The following KAZN variants were observed in gnomAD, a reference collection of about 807,000 sequenced individuals.
The protein encoded by KAZN is kazrin, periplakin interacting protein, also known as kazrin.
KAZN carries 40 observed loss-of-function variants against 87.4 expected under a neutral mutation model. The observed-to-expected ratio is 0.46, with a 90% CI of 0.36 to 0.60. The LOEUF is 0.60. KAZN is among the 20% of genes least tolerant of loss of function. KAZN has a pLI of 0.00. For missense variants in KAZN, 898 were observed against 1,073.9 expected (o/e 0.84, Z 2.29); for synonymous variants, 466 against 458.3 (o/e 1.02, Z -0.22).
chr1:14,827,465 T>C (rs1646926763), intron 1 of KAZN, among the ~76,000 whole-genome samples: 1 of 152,142 alleles, frequency 6.6e-6, no homozygotes, highest in South Asian at 2.1e-4. Flanking sequence ...GGCCTTTGCG[T>C]CCTCGTAGCT....
intron 1 of KAZN, among the ~76,000 whole-genome samples, chr1:14,642,079 C>A (rs1224274181): frequency 6.6e-6 from 1 of 152,178 alleles, no homozygotes; most frequent in African/African-American, 2.4e-5. Flanking sequence ...TGCCCAACAT[C>A]ATTAGCTATG....
intron 1 of KAZN, among the ~76,000 whole-genome samples, chr1:14,737,833 C>T (rs1643956328): frequency 6.6e-6 from 1 of 152,188 alleles, no homozygotes; most frequent in Non-Finnish European, 1.5e-5. Flanking sequence ...ACACATGGGC[C>T]TCTCCATCAG....
At chr1:14,967,179 G>A (rs574040703) in intron 2 of KAZN, among the ~76,000 whole-genome samples, 222 of 152,238 alleles carry the variant, frequency 1.5e-3, no homozygotes, top group Non-Finnish European at 2.3e-3. Context: ...GTTTTAGGAT[G>A]TCCCCATTTT....
At chr1:14,524,180 C>A (rs1048572259) in intron 2 of KAZN, among the ~76,000 whole-genome samples, 5 of 152,104 alleles carry the variant, frequency 3.3e-5, no homozygotes, top group African/African-American at 1.2e-4. Flanking sequence ...CACCACCACG[C>A]CTGGGTAATT....
At chr1:14,715,295 C>G (rs956851091) in intron 1 of KAZN, among the ~76,000 whole-genome samples, 1 of 152,194 alleles carries the variant, frequency 6.6e-6, no homozygotes, top group Non-Finnish European at 1.5e-5. Flanking sequence ...TGCTCTTGAA[C>G]TTCACCATAT....
chr1:14,147,105 A>C (rs1645369939), intron 1 of KAZN, among the ~76,000 whole-genome samples: 1 of 152,170 alleles, frequency 6.6e-6, no homozygotes, highest in African/African-American at 2.4e-5. Context: ...TCTTCAGCTT[A>C]CTTTATTGTA....
chr1:13,895,089 C>T (rs1005829627), intron 1 of KAZN, among the ~76,000 whole-genome samples: 1 of 152,214 alleles, frequency 6.6e-6, no homozygotes, highest in Non-Finnish European at 1.5e-5. Flanking sequence ...TATGTGAAAA[C>T]ATCCTTCTAT....
rs184797760 is a variant in KAZN at position 15,025,698 on chromosome 1, A to G, written c.419-9051A>G. On this transcript the variant is annotated intron_variant, in intron 2 of 14. Coordinates refer to ENST00000376030, the MANE Select transcript of KAZN (RefSeq NM_201628.3). ...CAGGGTGCACTTGGAGAGAGAGTCTATGGGTCATCTGGAAAGATCATGGGC... is the reference window on the plus strand; with the variant it reads ...CAGGGTGCACTTGGAGAGAGAGTCTGTGGGTCATCTGGAAAGATCATGGGC... Among the ~76,000 whole-genome samples the G allele has an allele frequency of 1.2e-4, 18 of 152,326 alleles. No individual in the cohort carries two copies. The East Asian group carries it at 2.5e-3, about 21-fold the overall frequency.
intron 2 of KAZN, among the ~76,000 whole-genome samples, chr1:14,583,652 A>T (rs1272518894): frequency 6.6e-6 from 1 of 152,108 alleles, no homozygotes; most frequent in Non-Finnish European, 1.5e-5. Context: ...CTTGCAGCAG[A>T]GGGTGATAGC....
At chr1:14,046,503 A>C (rs2101433393) in intron 1 of KAZN, among the ~76,000 whole-genome samples, 1 of 152,340 alleles carries the variant, frequency 6.6e-6, no homozygotes, top group East Asian at 1.9e-4. Context: ...AATACACTCC[A>C]ACATCCCATC....
chr1:14,569,325 T>TTTTTTTG (rs1674722311), intron 2 of KAZN, among the ~76,000 whole-genome samples: 1 of 138,884 alleles, frequency 7.2e-6, no homozygotes, highest in Non-Finnish European at 1.5e-5. Flanking sequence ...CTCTGCTTTT[T>TTTTTTTG]TTTTTTTTTT....
At chr1:14,451,274 A>G (rs6662664) in intron 2 of KAZN, among the ~76,000 whole-genome samples, 87,723 of 151,936 alleles carry the variant, frequency 0.58, 25,897 homozygotes, top group African/African-American at 0.69. Flanking sequence ...CCCCTCAGAG[A>G]CTAGGCTCTG....
chr1:14,441,032 T>C (rs756126242), intron 2 of KAZN, among the ~76,000 whole-genome samples: 18 of 152,196 alleles, frequency 1.2e-4, no homozygotes, highest in African/African-American at 4.3e-4. Context: ...TAGGATGTCA[T>C]GGCCTGTTTG....
At position 14,356,186 on chromosome 1, in the gene KAZN, C is replaced by T. The variant is rs1415228354; in HGVS notation, c.249+175594C>T. Among the ~76,000 whole-genome samples the T allele has an allele frequency of 4.6e-5, 7 of 152,200 alleles. No individual in the cohort carries two copies. In the East Asian group the frequency reaches 9.6e-4, roughly 21 times the overall value. ...GCATTTCTCTCATGACCAGTGATGA[C>T]GAGCTTTTTTTCATGTGTTTGTTGG... On this transcript the variant is annotated intron_variant, in intron 2 of 16. Coordinates refer to the KAZN transcript ENST00000636203.
chr1:14,414,339 C>T (rs1294590471), intron 2 of KAZN, among the ~76,000 whole-genome samples: 11 of 108,200 alleles, frequency 1.0e-4, no homozygotes, highest in African/African-American at 3.8e-4. Context: ...CACTATTTGT[C>T]ATAGGAAAAA....
intron 1 of KAZN, among the ~76,000 whole-genome samples, chr1:13,978,979 C>G (rs961184598): frequency 3.9e-5 from 6 of 151,972 alleles, no homozygotes; most frequent in African/African-American, 1.5e-4. Context: ...GCCTGTGGTC[C>G]CAACTACTTG....
At chr1:13,989,018 A>G (rs1309618421) in intron 1 of KAZN, among the ~76,000 whole-genome samples, 1 of 151,876 alleles carries the variant, frequency 6.6e-6, no homozygotes, top group Non-Finnish European at 1.5e-5. Flanking sequence ...GAAGTCCAAG[A>G]TCAAGGGTCT....
chr1:14,999,687 A>C (rs1668273314), intron 2 of KAZN, among the ~76,000 whole-genome samples: 1 of 152,212 alleles, frequency 6.6e-6, no homozygotes, highest in African/African-American at 2.4e-5. Context: ...TTTGTTTAGC[A>C]ACTGGGTGGA....
intron 1 of KAZN, among the ~76,000 whole-genome samples, chr1:14,945,431 C>T (rs1661643703): frequency 6.6e-6 from 1 of 152,210 alleles, no homozygotes; most frequent in South Asian, 2.1e-4. Flanking sequence ...TCCAGTTTCA[C>T]ATCGGGACAC....
Sources: gnomAD v4.1 joint callset for allele counts (sites outside exome capture counted in the v4.1 genomes callset) on GRCh38, gnomAD v4.1.1 for gene constraint, MANE v1.5 for transcripts, NCBI Gene and HGNC (gene_info 2026-07-23, HGNC 2026-07-21) for gene names.